POLR3A: variants seen among roughly 807,000 people sequenced by gnomAD.
The protein encoded by POLR3A is RNA polymerase III subunit A.
Under a neutral mutation model 152.8 loss-of-function variants are expected in POLR3A, and 112 were observed. The observed-to-expected ratio is 0.73, with a 90% confidence interval of 0.63 to 0.86. The LOEUF (loss-of-function observed/expected upper bound fraction) is 0.86, where lower values mean the gene tolerates loss of function less well. Ranked by LOEUF, POLR3A falls within the 40% of genes least tolerant of loss-of-function variation. The pLI, the probability that POLR3A is intolerant of heterozygous loss-of-function variation, is 0.00. For synonymous variants in POLR3A, 615 were observed against 652.1 expected (o/e 0.94, Z 0.87); for missense variants, 1,385 against 1,743.1 (o/e 0.79, Z 3.66).
At chr10:78,004,231 A>G (rs1847387973) in intron 16 of POLR3A, among the ~76,000 whole-genome samples, 1 of 152,060 alleles carries the variant, frequency 6.6e-6, no homozygotes, top group African/African-American at 2.4e-5. Context: ...TCATAAAACT[A>G]TGAAAAGCGA....
chr10:77,981,422 A>G lies in POLR3A; in HGVS notation c.3891+6T>C, dbSNP rs1463412799. The G allele has an allele frequency of 6.2e-7, 1 of 1,613,916 alleles. No individual in the cohort carries two copies. The highest frequency in any genetic ancestry group is 2.2e-5 in the East Asian group (1 of 44,890). Reference sequence around the variant, plus strand: ...CAGGCAGCCCGGGGGCCTCCTGCCCACATACCTTGTAGGTCATGAGGTCGG... The same window carrying G: ...CAGGCAGCCCGGGGGCCTCCTGCCCGCATACCTTGTAGGTCATGAGGTCGG... On this transcript the variant is annotated splice_donor_region_variant and intron_variant, in intron 29 of 30. Transcript: ENST00000372371.
At chr10:77,991,345 T>C (rs1385614741) in intron 20 of POLR3A, among the ~76,000 whole-genome samples, 178 bp from the exon 21 acceptor site, 1 of 152,184 alleles carries the variant, frequency 6.6e-6, no homozygotes, top group Admixed American at 6.5e-5. Flanking sequence ...GAAAACTGGA[T>C]AAATGGATAC....
At chr10:78,001,697 G>A (rs117476685) in intron 17 of POLR3A, among the ~76,000 whole-genome samples, 1 of 152,158 alleles carries the variant, frequency 6.6e-6, no homozygotes, top group African/African-American at 2.4e-5. Flanking sequence ...AAAATCCCTG[G>A]CTTTCTTCTG....
At chr10:77,981,594 T>C (rs1847143030) in intron 28 of POLR3A, 35 bp from the exon 29 acceptor site, 2 of 1,612,880 alleles carry the variant, frequency 1.2e-6, no homozygotes, top group Non-Finnish European at 8.5e-7. Flanking sequence ...AAGCAGCCCC[T>C]TCCGGGAGGC....
intron 19 of POLR3A, among the ~76,000 whole-genome samples, chr10:77,994,261 G>A (rs966622313): frequency 1.3e-5 from 2 of 152,182 alleles, no homozygotes; most frequent in Non-Finnish European, 2.9e-5. Context: ...CTACAGGAGA[G>A]ATGATGGAAA....
intron 10 of POLR3A, among the ~76,000 whole-genome samples, chr10:78,016,317 C>G (rs1172153182): frequency 2.0e-5 from 3 of 151,588 alleles, no homozygotes; most frequent in African/African-American, 4.9e-5. Context: ...ACCTATAATC[C>G]CAGCACTCTG....
rs1233683956 is a variant in POLR3A at position 77,975,410 on chromosome 10, T to C, written c.*2068A>G. The C allele has an allele frequency of 2.0e-5, 3 of 152,202 alleles. No homozygotes were observed. The highest frequency in any genetic ancestry group is 1.9e-4 in the East Asian group (1 of 5,174). The allele number at this position is 152,202 out of a possible 1,614,324, so 9.4% of individuals were successfully genotyped here. A position where few individuals can be genotyped will look rare whatever the true frequency, so the allele number is the denominator to read the frequency against. ...TGATAGTCCTAGCAAGGCTGGCAGT[T>C]CCAGGAGGAGGACCAGCACCTCCAG... On this transcript the variant is annotated 3_prime_UTR_variant, in exon 31 of 31. Transcript: ENST00000372371.
intron 10 of POLR3A, among the ~76,000 whole-genome samples, chr10:78,016,671 G>A (rs547778873): frequency 6.7e-6 from 1 of 148,244 alleles, no homozygotes; most frequent in African/African-American, 2.5e-5. Context: ...CCAAGACTGC[G>A]ACACTGCACA....
intron 8 of POLR3A, 100 bp downstream of exon 8, chr10:78,021,446 G>C (rs993831082): frequency 1.7e-6 from 2 of 1,185,718 alleles, no homozygotes; most frequent in Non-Finnish European, 2.5e-6. Context: ...GGTTGAGTGG[G>C]TTACTGGGGA....
chr10:77,977,302 T>C lies in POLR3A; in HGVS notation c.*176A>G. 1.4e-6 allele frequency: 1 copy of C among 699,488 alleles called. No homozygotes were observed. The highest frequency in any genetic ancestry group is 2.6e-6 in the Non-Finnish European group (1 of 388,820). The allele number at this position is 699,488 out of a possible 1,614,324, so 43.3% of individuals were successfully genotyped here. ...CGTGGCACAGTCAGGGTCACTGGTG[T>C]GAGCTGCACCCTATCAGAGGAGAAG... On this transcript the variant is annotated 3_prime_UTR_variant, in exon 31 of 31. Transcript: ENST00000372371.
intron 21 of POLR3A, 122 bp from the exon 22 acceptor site, chr10:77,986,281 T>C: frequency 2.7e-6 from 2 of 738,326 alleles, no homozygotes; most frequent in East Asian, 2.5e-5. Context: ...GCTCCATATA[T>C]AGTATAAAGG....
intron 8 of POLR3A, among the ~76,000 whole-genome samples, chr10:78,021,002 C>T (rs923840330): frequency 1.3e-5 from 2 of 152,108 alleles, no homozygotes; most frequent in African/African-American, 2.4e-5. Flanking sequence ...GATGGTCTCA[C>T]TCTCACCCAG....
At chr10:78,023,473 T>G (rs1435724547) in intron 5 of POLR3A, among the ~76,000 whole-genome samples, 3 of 142,890 alleles carry the variant, frequency 2.1e-5, no homozygotes, top group African/African-American at 5.3e-5. Flanking sequence ...AAAAAAAGTG[T>G]TACTGTTAAA....
In POLR3A at chr10:78,026,343, T is replaced by A. The variant is rs1847634721; in HGVS notation, c.45-114A>T. On this transcript the variant is annotated intron_variant, in intron 1 of 30. Coordinates refer to ENST00000372371, the MANE Select transcript of POLR3A (RefSeq NM_007055.4). The stretch of plus-strand genomic sequence containing the variant: ...CCTTCCAACTGTCTCCACTGGCTTT[T>A]CCTACCAGTATTAAATATATTTAAC... The A allele has an allele frequency of 4.0e-6, 4 of 992,524 alleles. No individual in the cohort carries two copies. The Admixed American group carries it at 7.8e-5, about 19-fold the overall frequency. The allele number at this position is 992,524 out of a possible 1,614,324, so 61.5% of individuals were successfully genotyped here.
chr10:77,993,021 C>A (rs1847264286), intron 20 of POLR3A, among the ~76,000 whole-genome samples, 176 bp downstream of exon 20: 1 of 152,128 alleles, frequency 6.6e-6, no homozygotes, highest in Non-Finnish European at 1.5e-5. Context: ...TGGCCCTTCC[C>A]TTTTAATATC....
At position 78,010,490 on chromosome 10, in the gene POLR3A, A is replaced by G; in HGVS notation, c.1623T>C (p.Ala541=). ...TPRNGEPLIA[A]IQDFLTGAYL... ...ACCTACCTGTTAGAAAATCCTGAAT[A>G]GCAGCAATCAGCGGTTCCCCATTCC... Residue 541 remains alanine, a synonymous_variant, in exon 12 of 31, where the codon GCT becomes GCC. Transcript: ENST00000372371. 1 of 1,614,006 alleles carries G rather than the reference A, an allele frequency of 6.2e-7. No homozygotes were observed. Among genetic ancestry groups the G allele is most frequent in the South Asian group, 1.1e-5 (1 of 91,082 alleles).
intron 15 of POLR3A, among the ~76,000 whole-genome samples, chr10:78,006,513 A>C (rs1386114136): frequency 6.6e-6 from 1 of 152,012 alleles, no homozygotes; most frequent in African/African-American, 2.4e-5. Context: ...AATCAACAGA[A>C]GTATTAAAAG....
At chr10:78,019,410 T>C in intron 8 of POLR3A, 145 bp from the exon 9 acceptor site, 1 of 672,634 alleles carries the variant, frequency 1.5e-6, no homozygotes, top group Admixed American at 2.2e-5. Flanking sequence ...CCTATGGTCT[T>C]GAGTATAATG....
chr10:77,992,629 G>A (rs1292155583), intron 20 of POLR3A, among the ~76,000 whole-genome samples: 3 of 151,820 alleles, frequency 2.0e-5, no homozygotes, highest in Non-Finnish European at 1.5e-5. Flanking sequence ...CTTTAGTAGA[G>A]ATGGGGTTTC....
Sources: allele counts gnomAD v4.1 joint callset (sites outside exome capture counted in the v4.1 genomes callset), GRCh38; gene constraint gnomAD v4.1.1; transcripts MANE v1.5; gene names NCBI Gene and HGNC (gene_info 2026-07-23, HGNC 2026-07-21).